Variants in CHODL observed in about 807,000 individuals in gnomAD.
The protein encoded by CHODL is chondrolectin, also known as transmembrane protein MT75.
Under a neutral mutation model 34.5 loss-of-function variants are expected in CHODL, and 29 were observed. The ratio of observed to expected loss-of-function variants is 0.84; its 90% confidence interval spans 0.63 to 1.15. CHODL has a LOEUF of 1.15. Among genes scored for constraint, CHODL ranks in the 50% most tolerant of loss-of-function variants. The probability of loss-of-function intolerance (pLI) is 0.00; values close to 1 mark genes in which losing one functional copy is unlikely to be tolerated. For missense variants in CHODL, 332 were observed against 332.5 expected (o/e 1.00, Z 0.01); for synonymous variants, 125 against 116.1 (o/e 1.08, Z -0.49).
intron 2 of CHODL, among the ~76,000 whole-genome samples, chr21:18,216,727 A>G (rs2073832779): frequency 6.6e-6 from 1 of 152,238 alleles, no homozygotes; most frequent in African/African-American, 2.4e-5. Context: ...GAAACTTACA[A>G]TTATGGTGGA....
intron 2 of CHODL, among the ~76,000 whole-genome samples, chr21:18,040,838 A>G (rs1385713458): frequency 2.0e-5 from 3 of 151,832 alleles, no homozygotes; most frequent in African/African-American, 7.2e-5. Flanking sequence ...TACTTTAATT[A>G]GAGAACATTT....
chr21:18,127,874 C>T (rs1439057851), intron 2 of CHODL, among the ~76,000 whole-genome samples: 2 of 151,340 alleles, frequency 1.3e-5, no homozygotes, highest in Admixed American at 6.6e-5. Context: ...TGTGGGACAC[C>T]GTCAAACAGA....
intron 1 of CHODL, among the ~76,000 whole-genome samples, chr21:17,939,889 A>T (rs1180085597): frequency 6.6e-6 from 1 of 152,202 alleles, no homozygotes; most frequent in Non-Finnish European, 1.5e-5. Flanking sequence ...TACGTGTCTT[A>T]TAATTTCATG....
At chr21:18,025,053 A>G (rs565512902) in intron 1 of CHODL, among the ~76,000 whole-genome samples, 4 of 152,204 alleles carry the variant, frequency 2.6e-5, no homozygotes, top group Non-Finnish European at 4.4e-5. Flanking sequence ...TTATGTTTCA[A>G]TAGTTACAGA....
intron 1 of CHODL, among the ~76,000 whole-genome samples, chr21:18,006,020 T>A (rs1175658427): frequency 1.3e-5 from 2 of 152,188 alleles, no homozygotes; most frequent in African/African-American, 2.4e-5. Context: ...AGATAGTGAA[T>A]GAGTCTCACA....
rs183417938 is a variant in CHODL at position 18,071,189 on chromosome 21, C to T, written c.-45+43218C>T. On this transcript the variant is annotated intron_variant, in intron 2 of 6. Transcript: ENST00000400127. ...TTGAGAGGTAGTCTCACCCTGTCCC[C>T]CAGGCTGGAGTACAATGGTGCAGTG... Among the ~76,000 whole-genome samples the T allele has an allele frequency of 6.7e-5, 10 of 150,160 alleles. 1 individual carries two copies. The East Asian group carries it at 2.0e-3, about 29-fold the overall frequency.
At chr21:17,950,419 A>T (rs1354301739) in intron 1 of CHODL, among the ~76,000 whole-genome samples, 2 of 151,784 alleles carry the variant, frequency 1.3e-5, no homozygotes, top group African/African-American at 2.4e-5. Context: ...TACAGAGATG[A>T]TGCTACTGTC....
intron 2 of CHODL, among the ~76,000 whole-genome samples, chr21:18,119,380 T>C (rs189812562): frequency 2.7e-4 from 41 of 152,252 alleles, no homozygotes; most frequent in African/African-American, 9.6e-4. Flanking sequence ...AGTTGGGGGC[T>C]AAATCAGGGA....
chr21:18,115,705 T>A (rs1214927646), intron 2 of CHODL, among the ~76,000 whole-genome samples: 2 of 152,220 alleles, frequency 1.3e-5, no homozygotes, highest in African/African-American at 4.8e-5. Context: ...ATGGTAAAGG[T>A]AAGTCCTCTG....
intron 2 of CHODL, among the ~76,000 whole-genome samples, chr21:18,212,190 G>A (rs543255772): frequency 5.8e-4 from 88 of 152,036 alleles, no homozygotes; most frequent in South Asian, 1.2e-3. Flanking sequence ...AAATCCAATC[G>A]ATATCAGTCT....
chr21:18,247,377 T>C (rs1346584921), intron 1 of CHODL, among the ~76,000 whole-genome samples: 1 of 152,162 alleles, frequency 6.6e-6, no homozygotes, highest in Admixed American at 6.5e-5. Flanking sequence ...AATTTCTATG[T>C]AGGATACTCA....
chr21:18,245,661 G>T (rs1316967060), intron 1 of CHODL, among the ~76,000 whole-genome samples: 1 of 152,112 alleles, frequency 6.6e-6, no homozygotes, highest in Non-Finnish European at 1.5e-5. Flanking sequence ...GGAGGCAGAG[G>T]GAACCCAGAG....
At chr21:17,957,906 C>G (rs28500) in intron 1 of CHODL, among the ~76,000 whole-genome samples, 151,357 of 151,364 alleles carry the variant, frequency 1, 75,675 homozygotes, top group Middle Eastern at 1. Context: ...TTATAAATAC[C>G]CCTCAGAACT....
chr21:17,977,556 T>C (rs2063673994), intron 1 of CHODL, among the ~76,000 whole-genome samples: 1 of 150,666 alleles, frequency 6.6e-6, no homozygotes, highest in Non-Finnish European at 1.5e-5. Flanking sequence ...GAGAGGGGAT[T>C]TCACCATGTT....
intron 2 of CHODL, among the ~76,000 whole-genome samples, chr21:18,112,883 AGCACAG>A (rs1327075288): frequency 6.6e-6 from 1 of 152,216 alleles, no homozygotes; most frequent in Non-Finnish European, 1.5e-5. Flanking sequence ...ATACCCTAAG[AGCACAG>A]GCAACCAAAG....
rs1005787242 is a variant in CHODL, at chr21:18,267,225, T to A, written c.*1187T>A. 1.3e-5 allele frequency: 2 copies of A among 152,096 alleles called. No homozygotes were observed. Among genetic ancestry groups the A allele is most frequent in the African/African-American group, 4.8e-5 (2 of 41,406 alleles). 9.4% of individuals were successfully genotyped at this position (152,096 alleles called of 1,614,324 possible). A position where few individuals can be genotyped will look rare whatever the true frequency, so the allele number is the denominator to read the frequency against. On this transcript the variant is annotated 3_prime_UTR_variant, in exon 6 of 6. Transcript: ENST00000299295. ...TTCATTGATGAGGGTTTGCTTGAGA[T>A]AGAAAATGGTGGCTCCTTTCTGTCT...
At chr21:18,096,295 A>G (rs2065138840) in intron 2 of CHODL, among the ~76,000 whole-genome samples, 1 of 152,216 alleles carries the variant, frequency 6.6e-6, no homozygotes, top group African/African-American at 2.4e-5. Context: ...GTGTTTGAAC[A>G]ATATGAAATC....
At chr21:18,161,817 A>G (rs1278815414) in intron 2 of CHODL, among the ~76,000 whole-genome samples, 1 of 152,194 alleles carries the variant, frequency 6.6e-6, no homozygotes, top group Non-Finnish European at 1.5e-5. Context: ...TGCCTTGTCT[A>G]CATCTCTCTC....
intron 2 of CHODL, among the ~76,000 whole-genome samples, chr21:18,206,332 T>G (rs764555811): frequency 6.6e-6 from 1 of 152,206 alleles, no homozygotes; most frequent in Non-Finnish European, 1.5e-5. Context: ...TAGGTACATA[T>G]ATATTTACAA....
Sources: allele counts gnomAD v4.1 joint callset (sites outside exome capture counted in the v4.1 genomes callset), GRCh38; gene constraint gnomAD v4.1.1; transcripts MANE v1.5; gene names NCBI Gene and HGNC (gene_info 2026-07-23, HGNC 2026-07-21).